The following NOX4 variants were observed in gnomAD, a reference collection of about 807,000 sequenced individuals.
NOX4 encodes the protein NADPH oxidase 4, also known as kidney oxidase-1.
Under a neutral mutation model 87.6 loss-of-function variants are expected in NOX4, and 69 were observed. The ratio of observed to expected loss-of-function variants is 0.79; its 90% confidence interval spans 0.65 to 0.96. The LOEUF is 0.96. NOX4 is among the 40% of genes least tolerant of loss of function. NOX4 has a pLI of 0.00. For synonymous variants in NOX4, 275 were observed against 238.2 expected, an observed-to-expected ratio of 1.15 and a Z score of -1.42; for missense variants, 680 against 681.5, an observed-to-expected ratio of 1.00 and a Z score of 0.02.
At chr11:89,459,169 G>A (rs1945339384) in intron 2 of NOX4, among the ~76,000 whole-genome samples, 1 of 151,924 alleles carries the variant, frequency 6.6e-6, no homozygotes, top group Admixed American at 6.6e-5. Flanking sequence ...AATATGAATG[G>A]CCTGGAGATG....
At chr11:89,530,773 T>C in the NOX4 span, among the ~76,000 whole-genome samples, 4 of 152,140 alleles carry the variant, frequency 2.6e-5, no homozygotes, top group Non-Finnish European at 4.4e-5. Context: ...TGATACAAGC[T>C]GAGCTAATTG....
At chr11:89,483,784 G>A in intron 2 of NOX4, among the ~76,000 whole-genome samples, 1 of 151,978 alleles carries the variant, frequency 6.6e-6, no homozygotes, top group Non-Finnish European at 1.5e-5. Flanking sequence ...AAGCATGTAA[G>A]GTAATATACA....
intron 11 of NOX4, among the ~76,000 whole-genome samples, chr11:89,393,147 C>T (rs931694915): frequency 9.9e-5 from 15 of 152,228 alleles, no homozygotes; most frequent in Admixed American, 7.9e-4. Flanking sequence ...TTTGGAGACA[C>T]TTTTGGAAGT....
chr11:89,425,000 C>G (rs1323363136), intron 7 of NOX4, among the ~76,000 whole-genome samples: 3 of 152,124 alleles, frequency 2.0e-5, no homozygotes, highest in Non-Finnish European at 2.9e-5. Flanking sequence ...ATAAAAAACA[C>G]TGAAGATTAG....
upstream of NOX4, among the ~76,000 whole-genome samples, chr11:89,496,804 T>C (rs1946958884): frequency 6.6e-6 from 1 of 152,204 alleles, no homozygotes; most frequent in Admixed American, 6.5e-5. Context: ...TGTTTCTCTC[T>C]GTCATTTCAC....
At chr11:89,395,806 A>G (rs1318622741) in intron 11 of NOX4, among the ~76,000 whole-genome samples, 6 of 152,100 alleles carry the variant, frequency 3.9e-5, no homozygotes, top group Admixed American at 3.9e-4. Flanking sequence ...CAAAGATCAC[A>G]TGGTTGTAGA....
intron 2 of NOX4, among the ~76,000 whole-genome samples, chr11:89,479,930 G>C (rs1229177874): frequency 6.6e-6 from 1 of 152,014 alleles, no homozygotes; most frequent in Non-Finnish European, 1.5e-5. Context: ...TGGCATATGT[G>C]GGGGATTGGT....
At chr11:89,410,211 G>A (rs1005051332) in intron 8 of NOX4, among the ~76,000 whole-genome samples, 2 of 152,100 alleles carry the variant, frequency 1.3e-5, no homozygotes, top group East Asian at 1.9e-4. Context: ...CCTTTGGCGT[G>A]GGAATCAATA....
chr11:89,474,406 T>C (rs1311376239), intron 2 of NOX4, among the ~76,000 whole-genome samples: 1 of 147,970 alleles, frequency 6.8e-6, no homozygotes, highest in East Asian at 2.0e-4. Flanking sequence ...ACTTTTCTAA[T>C]TGTACAAGTA....
At chr11:89,423,937 T>G (rs1274651815) in intron 7 of NOX4, among the ~76,000 whole-genome samples, 2 of 151,798 alleles carry the variant, frequency 1.3e-5, no homozygotes, top group Admixed American at 6.6e-5. Flanking sequence ...CATGGTGGTG[T>G]GTGTTCGTGA....
the NOX4 span, among the ~76,000 whole-genome samples, chr11:89,578,737 C>T: frequency 4.6e-5 from 7 of 152,070 alleles, no homozygotes; most frequent in African/African-American, 7.2e-5. Flanking sequence ...GATGCAAACA[C>T]ATTAAATCAG....
intron 3 of NOX4, among the ~76,000 whole-genome samples, chr11:89,449,948 T>C (rs1286063475): frequency 6.6e-6 from 1 of 152,160 alleles, no homozygotes; most frequent in East Asian, 1.9e-4. Flanking sequence ...TTAAAATATA[T>C]ATGATTTCCT....
the NOX4 span, among the ~76,000 whole-genome samples, chr11:89,550,902 G>A: frequency 3.3e-5 from 5 of 152,150 alleles, no homozygotes; most frequent in African/African-American, 1.2e-4. Flanking sequence ...TCTTCTACAG[G>A]TTTTATGGTT....
rs537326871 is a variant in NOX4, at chr11:89,363,695, T to A, written c.1136-8652A>T. Among the ~76,000 whole-genome samples the A allele has an allele frequency of 2.0e-5, 3 of 152,166 alleles. No homozygotes were observed. In the East Asian group the frequency reaches 5.8e-4, roughly 30 times the overall value. On this transcript the variant is annotated intron_variant, in intron 12 of 17. Transcript: ENST00000263317. ...AACAAATTCCTTCTAAAAAGAAGAA[T>A]TAAAGGGCAAACTTAGAGTATATCC... is the stretch of plus-strand genomic sequence containing the variant.
At chr11:89,499,712 T>C (rs897237633), upstream of NOX4, among the ~76,000 whole-genome samples, 1 of 152,226 alleles carries the variant, frequency 6.6e-6, no homozygotes, top group East Asian at 1.9e-4. Context: ...CATACCACAC[T>C]GTATAATACG....
chr11:89,413,839 G>T (rs1242388483), intron 8 of NOX4, among the ~76,000 whole-genome samples: 1 of 152,072 alleles, frequency 6.6e-6, no homozygotes, highest in African/African-American at 2.4e-5. Flanking sequence ...TTATGCAAAT[G>T]TGATCATTAC....
Position 89,326,322 on chromosome 11 carries a change from A to G in NOX4, c.*434T>C, listed in dbSNP as rs1215725822. The stretch of plus-strand genomic sequence containing the variant: ...CTTGCAAATTAAAGCTACTCTGTTT[A>G]TACACAACACAGAAAATGGAATTTC... On this transcript the variant is annotated 3_prime_UTR_variant, in exon 18 of 18. Transcript: ENST00000263317. 1 of 155,344 alleles carries G rather than the reference A, an allele frequency of 6.4e-6. No homozygotes were observed. The highest frequency in any genetic ancestry group is 2.4e-5 in the African/African-American group (1 of 41,482). 9.6% of individuals were successfully genotyped at this position (155,344 alleles called of 1,614,324 possible).
chr11:89,587,111 GA>G, the NOX4 span, among the ~76,000 whole-genome samples: 1 of 152,054 alleles, frequency 6.6e-6, no homozygotes, highest in East Asian at 1.9e-4. Context: ...AATTGTTGAG[GA>G]AAAAGACTGA....
At chr11:89,396,900 G>A (rs1941531585) in intron 11 of NOX4, among the ~76,000 whole-genome samples, 1 of 151,974 alleles carries the variant, frequency 6.6e-6, no homozygotes, top group African/African-American at 2.4e-5. Flanking sequence ...TTCAATATTA[G>A]ACAGATCAAT....
Sources: gnomAD v4.1 joint callset for allele counts (sites outside exome capture counted in the v4.1 genomes callset) on GRCh38, gnomAD v4.1.1 for gene constraint, MANE v1.5 for transcripts, NCBI Gene and HGNC (gene_info 2026-07-23, HGNC 2026-07-21) for gene names.